Variants in KCNQ5 observed in about 807,000 individuals in gnomAD.
The protein encoded by KCNQ5 is potassium voltage-gated channel subfamily Q member 5.
Under a neutral mutation model 98.2 loss-of-function variants are expected in KCNQ5, and 30 were observed. The ratio of observed to expected loss-of-function variants is 0.31; its 90% CI spans 0.23 to 0.41. The LOEUF is 0.41. KCNQ5 is among the 10% of genes least tolerant of loss of function. The pLI is 1.00. For missense variants in KCNQ5, 835 were observed against 1,182.5 expected (o/e 0.71, Z 4.31); for synonymous variants, 458 against 449.4 (o/e 1.02, Z -0.24).
chr6:73,105,204 C>T, intron 5 of KCNQ5, 53 bp from the exon 6 acceptor site: 1 of 1,035,664 alleles, frequency 9.7e-7, no homozygotes, highest in Non-Finnish European at 1.5e-6. Flanking sequence ...TTCATAGGTC[C>T]TAACTTTCCT....
At chr6:72,899,133 A>C (rs1251717552) in intron 1 of KCNQ5, among the ~76,000 whole-genome samples, 1 of 151,934 alleles carries the variant, frequency 6.6e-6, no homozygotes, top group African/African-American at 2.4e-5. Flanking sequence ...GGTTGCCCGC[A>C]CTCTGATGAT....
intron 1 of KCNQ5, among the ~76,000 whole-genome samples, chr6:72,649,325 A>T (rs1024756965): frequency 6.6e-6 from 1 of 152,200 alleles, no homozygotes; most frequent in Admixed American, 6.5e-5. Context: ...GCACATATGC[A>T]TGATTACATA....
At chr6:72,678,841 C>G (rs1344031774) in intron 1 of KCNQ5, among the ~76,000 whole-genome samples, 1 of 152,096 alleles carries the variant, frequency 6.6e-6, no homozygotes, top group African/African-American at 2.4e-5. Flanking sequence ...AATTCTTAAT[C>G]CCGTTTTGAC....
chr6:73,030,898 TC>T, intron 2 of KCNQ5, among the ~76,000 whole-genome samples: 1 of 152,204 alleles, frequency 6.6e-6, no homozygotes, highest in South Asian at 2.1e-4. Context: ...CACTGACAGC[TC>T]AACAGTTGAG....
In KCNQ5 at chr6:72,756,923, C is replaced by T. The variant is rs569860692; in HGVS notation, c.398+134336C>T. 4.6e-5 allele frequency among the ~76,000 whole-genome samples: 7 copies of T among 152,002 alleles called. No individual in the cohort carries two copies. In the South Asian group the frequency reaches 8.3e-4, roughly 18 times the overall value. Reference sequence around the variant, plus strand: ...CCTTTGAATCTGTACTACATACAAACGACATAGTTTTAGGATTCTCTACAA... The same window carrying T: ...CCTTTGAATCTGTACTACATACAAATGACATAGTTTTAGGATTCTCTACAA... On this transcript the variant is annotated intron_variant, in intron 1 of 13. Coordinates refer to ENST00000370398, the MANE Select transcript of KCNQ5 (RefSeq NM_019842.4).
At chr6:72,785,650 C>CA (rs68046119) in intron 1 of KCNQ5, among the ~76,000 whole-genome samples, 31 of 141,596 alleles carry the variant, frequency 2.2e-4, no homozygotes, top group Admixed American at 4.2e-4. Flanking sequence ...AACTCCATCT[C>CA]AAAAAAAAAA....
Position 72,911,526 on chromosome 6 carries a change from C to G in KCNQ5, c.399-92382C>G, listed in dbSNP as rs549723707. Among the ~76,000 whole-genome samples, 3 of 152,112 alleles carry G rather than the reference C, an allele frequency of 2.0e-5. No homozygotes were observed. In the South Asian group the frequency reaches 6.2e-4, roughly 32 times the overall value. On this transcript the variant is annotated intron_variant, in intron 1 of 13. Transcript: ENST00000370398. ...AGTTTATGGTGGTTTGTTAAGTAGCCCAAACTGACTTAAGACAAGTGGGAA... is the reference window on the plus strand; with the variant it reads ...AGTTTATGGTGGTTTGTTAAGTAGCGCAAACTGACTTAAGACAAGTGGGAA...
chr6:73,158,683 TATAA>T (rs1310598841), intron 10 of KCNQ5, among the ~76,000 whole-genome samples: 1 of 149,622 alleles, frequency 6.7e-6, no homozygotes, highest in Non-Finnish European at 1.5e-5. Flanking sequence ...TTAAATGAAG[TATAA>T]ATAATTTATA....
intron 3 of KCNQ5, chr6:73,055,566 T>C (rs1415414773): frequency 6.4e-6 from 9 of 1,408,608 alleles, no homozygotes; most frequent in African/African-American, 2.8e-5. Flanking sequence ...AAGGACACTA[T>C]TGCCAGAGCT....
chr6:72,783,987 T>G (rs1477976994), intron 1 of KCNQ5, among the ~76,000 whole-genome samples: 1 of 152,130 alleles, frequency 6.6e-6, no homozygotes, highest in Non-Finnish European at 1.5e-5. Flanking sequence ...AGAACTGAAA[T>G]ATGTTCTCTA....
At chr6:72,651,976 T>G (rs1384811746) in intron 1 of KCNQ5, among the ~76,000 whole-genome samples, 1 of 152,062 alleles carries the variant, frequency 6.6e-6, no homozygotes, top group Admixed American at 6.6e-5. Flanking sequence ...GAATTACAGA[T>G]TTCTTTTTTG....
chr6:72,888,173 C>G (rs1418431209), intron 1 of KCNQ5, among the ~76,000 whole-genome samples: 2 of 152,178 alleles, frequency 1.3e-5, no homozygotes, highest in East Asian at 3.9e-4. Flanking sequence ...AAGAAACTAG[C>G]AGATCCCGTC....
At chr6:72,756,447 T>C (rs906511556) in intron 1 of KCNQ5, among the ~76,000 whole-genome samples, 2 of 152,202 alleles carry the variant, frequency 1.3e-5, no homozygotes, top group Non-Finnish European at 2.9e-5. Flanking sequence ...TTTACATACA[T>C]TTTAAAATGA....
intron 1 of KCNQ5, among the ~76,000 whole-genome samples, chr6:72,714,037 C>T (rs974706549): frequency 2.0e-5 from 3 of 152,196 alleles, no homozygotes; most frequent in African/African-American, 7.2e-5. Context: ...TTCTTTGAAT[C>T]TCAACTCAAA....
At chr6:72,756,503 T>C (rs1346877232) in intron 1 of KCNQ5, among the ~76,000 whole-genome samples, 1 of 152,176 alleles carries the variant, frequency 6.6e-6, no homozygotes, top group African/African-American at 2.4e-5. Context: ...AATTGTTAAT[T>C]AGTTGGAAGG....
chr6:73,116,464 A>T (rs1308130599), intron 7 of KCNQ5, among the ~76,000 whole-genome samples: 1 of 152,124 alleles, frequency 6.6e-6, no homozygotes, highest in African/African-American at 2.4e-5. Flanking sequence ...CCAGGAGTTC[A>T]AGACCAACCT....
intron 2 of KCNQ5, among the ~76,000 whole-genome samples, chr6:73,027,046 T>C (rs1398620156): frequency 6.6e-6 from 1 of 152,168 alleles, no homozygotes; most frequent in Non-Finnish European, 1.5e-5. Flanking sequence ...CATTGACCCA[T>C]TGAAGTCAAT....
chr6:72,704,378 C>G (rs991853839), intron 1 of KCNQ5, among the ~76,000 whole-genome samples: 1 of 151,954 alleles, frequency 6.6e-6, no homozygotes, highest in African/African-American at 2.4e-5. Context: ...TGCATGCTCT[C>G]TTTGTCTTTA....
intron 1 of KCNQ5, among the ~76,000 whole-genome samples, chr6:72,651,595 TTGAGA>T (rs773095877): frequency 2.6e-5 from 4 of 152,100 alleles, no homozygotes; most frequent in Non-Finnish European, 5.9e-5. Flanking sequence ...TATTATTTCG[TTGAGA>T]TGACAGTTTT....
Sources: allele counts gnomAD v4.1 joint callset (sites outside exome capture counted in the v4.1 genomes callset), GRCh38; gene constraint gnomAD v4.1.1; transcripts MANE v1.5; gene names NCBI Gene and HGNC (gene_info 2026-07-23, HGNC 2026-07-21).